The following LIPC variants were observed in gnomAD, a reference collection of about 807,000 sequenced individuals.
LIPC encodes the protein hepatic triacylglycerol lipase.
LIPC carries 44 observed loss-of-function variants against 50.7 expected under a neutral mutation model. The observed-to-expected ratio is 0.87, with a 90% CI of 0.68 to 1.11. The LOEUF (loss-of-function observed/expected upper bound fraction) is 1.11. Ranked by LOEUF, LIPC falls within the 50% of genes most tolerant of loss-of-function variation. LIPC has a pLI of 0.00. For missense variants in LIPC, 697 were observed against 648.2 expected, an observed-to-expected ratio of 1.08 and a Z score of -0.82; for synonymous variants, 271 against 256.4, an observed-to-expected ratio of 1.06 and a Z score of -0.54.
intron 1 of LIPC, among the ~76,000 whole-genome samples, chr15:58,489,345 T>A (rs1272823290): frequency 6.6e-6 from 1 of 151,806 alleles, no homozygotes; most frequent in East Asian, 1.9e-4. Flanking sequence ...GACCACGCTA[T>A]TGTAGTAGAG....
intron 1 of LIPC, among the ~76,000 whole-genome samples, chr15:58,492,585 C>T (rs570012999): frequency 6.6e-6 from 1 of 152,276 alleles, no homozygotes; most frequent in Non-Finnish European, 1.5e-5. Flanking sequence ...CCCAAGTTCC[C>T]ACTCAGGCCC....
chr15:58,433,441 C>T (rs191176515), intron 1 of LIPC, among the ~76,000 whole-genome samples: 2 of 152,298 alleles, frequency 1.3e-5, no homozygotes, highest in Non-Finnish European at 2.9e-5. Flanking sequence ...GGAGATTTTT[C>T]ATTAATAGAA....
At chr15:58,469,404 G>A (rs1337581915) in intron 1 of LIPC, among the ~76,000 whole-genome samples, 1 of 152,202 alleles carries the variant, frequency 6.6e-6, no homozygotes, top group Non-Finnish European at 1.5e-5. Context: ...CAAAGGAAGA[G>A]CACAAAGGAA....
At chr15:58,441,172 G>A (rs1363749677) in intron 1 of LIPC, among the ~76,000 whole-genome samples, 2 of 152,146 alleles carry the variant, frequency 1.3e-5, no homozygotes, top group Non-Finnish European at 2.9e-5. Flanking sequence ...CCCTACACCC[G>A]CAAACACTCA....
chr15:58,552,165 G>A (rs1428301796), intron 6 of LIPC, among the ~76,000 whole-genome samples: 5 of 152,196 alleles, frequency 3.3e-5, no homozygotes, highest in Admixed American at 2.0e-4. Context: ...GTAACCGGGT[G>A]GAGAGGAGGG....
At chr15:58,563,801 C>T (rs1466927501) in intron 8 of LIPC, 78 bp downstream of exon 8, 1 of 1,168,224 alleles carries the variant, frequency 8.6e-7, no homozygotes, top group African/African-American at 1.5e-5. Flanking sequence ...TTAATACTCA[C>T]ATTCATCATG....
chr15:58,490,209 C>T (rs1488533744), intron 1 of LIPC, among the ~76,000 whole-genome samples: 2 of 152,184 alleles, frequency 1.3e-5, no homozygotes, highest in East Asian at 1.9e-4. Flanking sequence ...TGCGTGGGGT[C>T]GGGAAGATGG....
At chr15:58,517,033 A>T (rs1175298196) in intron 1 of LIPC, among the ~76,000 whole-genome samples, 5 of 152,246 alleles carry the variant, frequency 3.3e-5, no homozygotes, top group Non-Finnish European at 7.3e-5. Flanking sequence ...ACTTTGTTAG[A>T]TGGGACCAGA....
At chr15:58,452,808 G>A (rs1893957737) in intron 1 of LIPC, among the ~76,000 whole-genome samples, 1 of 152,214 alleles carries the variant, frequency 6.6e-6, no homozygotes, top group Non-Finnish European at 1.5e-5. Context: ...ACCCCCATGG[G>A]ACTGGGAGCT....
At chr15:58,462,506 T>C (rs1894389395) in intron 1 of LIPC, among the ~76,000 whole-genome samples, 1 of 152,208 alleles carries the variant, frequency 6.6e-6, no homozygotes, top group Admixed American at 6.5e-5. Flanking sequence ...CCAATTGGTT[T>C]AGATACTCAC....
chr15:58,528,040 C>T (rs1244423316), intron 1 of LIPC, among the ~76,000 whole-genome samples: 4 of 151,166 alleles, frequency 2.6e-5, no homozygotes, highest in Admixed American at 6.6e-5. Context: ...CTCGGGAGGC[C>T]GAGGCAGGAG....
At chr15:58,491,216 A>G (rs1409366489) in intron 1 of LIPC, among the ~76,000 whole-genome samples, 8 of 152,166 alleles carry the variant, frequency 5.3e-5, no homozygotes, top group Non-Finnish European at 1.0e-4. Context: ...CTGGCCTTTC[A>G]TGAAATGACA....
chr15:58,555,970 C>T (rs1382239985), intron 6 of LIPC, among the ~76,000 whole-genome samples: 3 of 152,152 alleles, frequency 2.0e-5, no homozygotes, highest in African/African-American at 2.4e-5. Context: ...CAAGGGAGCC[C>T]GGCAGATGCA....
intron 1 of LIPC, among the ~76,000 whole-genome samples, chr15:58,466,811 T>C (rs1894581629): frequency 6.6e-6 from 1 of 152,212 alleles, no homozygotes; most frequent in Non-Finnish European, 1.5e-5. Context: ...CTTCTTCTCT[T>C]TGCAGGTCAT....
chr15:58,563,740 T>C lies in LIPC; in HGVS notation c.1388+17T>C, dbSNP rs1460687673. On this transcript the variant is annotated intron_variant, in intron 8 of 8. Transcript: ENST00000299022. Reference sequence around the variant, plus strand: ...CCAGCAAAGGTGACTGCTGATTCAATCTCCTATTAACGTCCATTAAGCACC... The same window carrying C: ...CCAGCAAAGGTGACTGCTGATTCAACCTCCTATTAACGTCCATTAAGCACC... 1.2e-6 allele frequency: 2 copies of C among 1,605,520 alleles called. No individual in the cohort carries two copies. The highest frequency in any genetic ancestry group is 3.4e-5 in the Admixed American group (2 of 59,660).
intron 1 of LIPC, among the ~76,000 whole-genome samples, chr15:58,499,024 T>C (rs1891877721): frequency 6.6e-6 from 1 of 152,086 alleles, no homozygotes; most frequent in Non-Finnish European, 1.5e-5. Flanking sequence ...TCGCTGAGCA[T>C]GGAAAAGCAC....
intron 1 of LIPC, among the ~76,000 whole-genome samples, chr15:58,488,066 G>T (rs764316451): frequency 3.3e-5 from 5 of 152,204 alleles, no homozygotes; most frequent in Non-Finnish European, 7.3e-5. Flanking sequence ...AGGTCAGGAG[G>T]TCAAGGCCAG....
rs528333900 is a variant in LIPC at position 58,533,190 on chromosome 15, A to G, written c.89-5143A>G. On this transcript the variant is annotated intron_variant, in intron 1 of 8. Coordinates refer to ENST00000299022, the MANE Select transcript of LIPC (RefSeq NM_000236.3). ...GAGAAAAGCTCCAGTTTCAGAAGGT[A>G]TGCTTGGAGAATGTGCTGCTTCTAG... 2.8e-5 allele frequency: 28 copies of G among 984,694 alleles called. No homozygotes were observed. In the South Asian group the frequency reaches 1.1e-3, roughly 38 times the overall value. The allele number at this position is 984,694 out of a possible 1,614,324, so 61.0% of individuals were successfully genotyped here. A position where few individuals can be genotyped will look rare whatever the true frequency, so the allele number is the denominator to read the frequency against.
intron 1 of LIPC, among the ~76,000 whole-genome samples, chr15:58,498,080 A>G (rs1189902774): frequency 6.6e-6 from 1 of 152,212 alleles, no homozygotes; most frequent in East Asian, 1.9e-4. Context: ...GAAGGATCAA[A>G]GAGAATGGAT....
Sources: allele counts gnomAD v4.1 joint callset (sites outside exome capture counted in the v4.1 genomes callset), GRCh38; gene constraint gnomAD v4.1.1; transcripts MANE v1.5; gene names NCBI Gene and HGNC (gene_info 2026-07-23, HGNC 2026-07-21).